Variants in RAB21 observed in about 807,000 individuals in gnomAD.
RAB21 encodes the protein ras-related protein Rab-21.
A neutral mutation model predicts 33.1 loss-of-function variants in RAB21; 13 were observed. The ratio of observed to expected loss-of-function variants is 0.39; its 90% CI spans 0.26 to 0.62. The LOEUF (loss-of-function observed/expected upper bound fraction) is 0.62, where lower values mean the gene tolerates loss of function less well. Ranked by LOEUF, RAB21 falls within the 20% of genes least tolerant of loss-of-function variation. RAB21 has a pLI of 0.48. For synonymous variants in RAB21, 91 were observed against 103.7 expected (o/e 0.88, Z 0.74); for missense variants, 234 against 279.1 (o/e 0.84, Z 1.15).
intron 1 of RAB21, among the ~76,000 whole-genome samples, 157 bp from the exon 2 acceptor site, chr12:71,769,643 T>C (rs1328585220): frequency 1.3e-5 from 2 of 152,204 alleles, no homozygotes; most frequent in African/African-American, 2.4e-5. Context: ...TAATGTCTTA[T>C]CTTTAATGAA....
chr12:71,766,057 C>T (rs1332163261), intron 1 of RAB21, among the ~76,000 whole-genome samples: 2 of 152,008 alleles, frequency 1.3e-5, no homozygotes, highest in South Asian at 4.2e-4. Flanking sequence ...ACTAGGGATC[C>T]TTTGATAATA....
Position 71,792,109 on chromosome 12 carries a change from T to A in RAB21, c.*6436T>A, listed in dbSNP as rs1203364193. On this transcript the variant is annotated 3_prime_UTR_variant, in exon 7 of 7. Coordinates refer to ENST00000261263, the MANE Select transcript of RAB21 (RefSeq NM_014999.4). ...GCTGGTTTTTGAACTAGTTTCAAAG[T>A]GATCCTCCTGCCTTGGCCTCTCAAA... 6.6e-6 allele frequency: 1 copy of A among 152,194 alleles called. No homozygotes were observed. Among genetic ancestry groups the A allele is most frequent in the African/African-American group, 2.4e-5 (1 of 41,436 alleles). 9.4% of individuals were successfully genotyped at this position (152,194 alleles called of 1,614,324 possible). A position where few individuals can be genotyped will look rare whatever the true frequency, so the allele number is the denominator to read the frequency against.
intron 1 of RAB21, among the ~76,000 whole-genome samples, chr12:71,755,920 A>G (rs768272766): frequency 2.0e-5 from 3 of 152,172 alleles, no homozygotes; most frequent in Non-Finnish European, 4.4e-5. Context: ...CTGGCCAACA[A>G]TTGGTCCCCA....
intron 1 of RAB21, among the ~76,000 whole-genome samples, chr12:71,759,920 G>A (rs1189113262): frequency 6.6e-6 from 1 of 152,182 alleles, no homozygotes; most frequent in Non-Finnish European, 1.5e-5. Context: ...TAAAATGGGA[G>A]TACCTTACTC....
At position 71,788,346 on chromosome 12, in the gene RAB21, C is replaced by T. The variant is rs1181533739; in HGVS notation, c.*2673C>T. 6.6e-6 allele frequency: 1 copy of T among 151,594 alleles called. No individual in the cohort carries two copies. The highest frequency in any genetic ancestry group is 1.5e-5 in the Non-Finnish European group (1 of 67,894). The allele number at this position is 151,594 out of a possible 1,614,324, so 9.4% of individuals were successfully genotyped here. A position where few individuals can be genotyped will look rare whatever the true frequency, so the allele number is the denominator to read the frequency against. ...TTGGTTTCTGTGTTATCTTTCTTAA[C>T]CTCACGTATTTCTTTATCCTTTTTA... On this transcript the variant is annotated 3_prime_UTR_variant, in exon 7 of 7. Transcript: ENST00000261263.
chr12:71,773,953 A>G lies in RAB21; in HGVS notation c.328-6A>G. The G allele has an allele frequency of 6.3e-7, 1 of 1,579,418 alleles. No homozygotes were observed. Among genetic ancestry groups the G allele is most frequent in the Non-Finnish European group, 8.6e-7 (1 of 1,158,912 alleles). The stretch of plus-strand genomic sequence containing the variant: ...TGTTTTAATATGTGCTCTTTTGTAT[A>G]TACAGGTAAAAAACTGGGTCAAAGA... On this transcript the variant is annotated splice_polypyrimidine_tract_variant and splice_region_variant and intron_variant, in intron 3 of 6. Transcript: ENST00000261263.
At chr12:71,764,848 A>G (rs549550872) in intron 1 of RAB21, among the ~76,000 whole-genome samples, 30 of 151,966 alleles carry the variant, frequency 2.0e-4, no homozygotes, top group African/African-American at 6.8e-4. Flanking sequence ...TTCTTTATTC[A>G]CTTGTTGGTT....
In RAB21 at chr12:71,780,717, T is replaced by C. The variant is rs1011642971; in HGVS notation, c.392-1314T>C. ...CAGATTATTCGAGGTCCTCAGTATA[T>C]AGAACCTTTGGACTTGTCCACCTCA... On this transcript the variant is annotated intron_variant, in intron 4 of 6. Coordinates refer to ENST00000261263, the MANE Select transcript of RAB21 (RefSeq NM_014999.4). Among the ~76,000 whole-genome samples the C allele has an allele frequency of 1.4e-4, 22 of 152,214 alleles. 1 individual carries two copies. The highest frequency in any genetic ancestry group is 1.2e-4 in the Non-Finnish European group (8 of 68,034).
chr12:71,781,630 T>A (rs1422057821), intron 4 of RAB21, among the ~76,000 whole-genome samples: 1 of 152,216 alleles, frequency 6.6e-6, no homozygotes, highest in African/African-American at 2.4e-5. Flanking sequence ...AACACTAAGA[T>A]AGCCATACTT....
chr12:71,785,516 TTC>T lies in RAB21; in HGVS notation c.536-9_536-8del. 2 of 1,613,096 alleles carry T rather than the reference TTC, an allele frequency of 1.2e-6. No individual in the cohort carries two copies. Among genetic ancestry groups the T allele is most frequent in the Non-Finnish European group, 1.7e-6 (2 of 1,179,392 alleles). ...TATTGTGGTCCTAATAATGTTTGCT[TTC>T]TCTCTGTCTTAGGGATGATAGAAAC... On this transcript the variant is annotated splice_polypyrimidine_tract_variant and intron_variant, in intron 6 of 6. Transcript: ENST00000261263.
At chr12:71,764,554 A>AC (rs1347522428) in intron 1 of RAB21, among the ~76,000 whole-genome samples, 1 of 152,130 alleles carries the variant, frequency 6.6e-6, no homozygotes, top group African/African-American at 2.4e-5. Context: ...ATTTTGGTGC[A>AC]CCTGAGCAGT....
rs1230612259 is a variant in RAB21, at chr12:71,789,531, A to G, written c.*3858A>G. 6.6e-6 allele frequency: 1 copy of G among 152,164 alleles called. No individual in the cohort carries two copies. The highest frequency in any genetic ancestry group is 1.5e-5 in the Non-Finnish European group (1 of 67,988). The allele number at this position is 152,164 out of a possible 1,614,324, so 9.4% of individuals were successfully genotyped here. On this transcript the variant is annotated 3_prime_UTR_variant, in exon 7 of 7. Coordinates refer to ENST00000261263, the MANE Select transcript of RAB21 (RefSeq NM_014999.4). The stretch of plus-strand genomic sequence containing the variant: ...AGATTCAGTGTGACAAAGAGGGAAT[A>G]CATAATTTGTGACCATTTAAGATGC...
chr12:71,780,411 G>A (rs1271606206), intron 4 of RAB21, among the ~76,000 whole-genome samples: 2 of 152,168 alleles, frequency 1.3e-5, no homozygotes, highest in African/African-American at 4.8e-5. Flanking sequence ...CCACCAGGTG[G>A]TGCTTTTTGC....
Position 71,790,021 on chromosome 12 carries a change from T to C in RAB21, c.*4348T>C, listed in dbSNP as rs1410941541. On this transcript the variant is annotated 3_prime_UTR_variant, in exon 7 of 7. Transcript: ENST00000261263. ...TTAATTGATAGACCTTTAGCAGTTCTTGTGCTATCTAGGATTTATACATTT... is the reference window on the plus strand; with the variant it reads ...TTAATTGATAGACCTTTAGCAGTTCCTGTGCTATCTAGGATTTATACATTT... The C allele has an allele frequency of 1.3e-5, 2 of 152,202 alleles. No homozygotes were observed. Among genetic ancestry groups the C allele is most frequent in the Admixed American group, 1.3e-4 (2 of 15,274 alleles). 9.4% of individuals were successfully genotyped at this position (152,202 alleles called of 1,614,324 possible).
intron 3 of RAB21, among the ~76,000 whole-genome samples, chr12:71,773,482 C>G (rs1883072852): frequency 6.6e-6 from 1 of 151,712 alleles, no homozygotes; most frequent in Non-Finnish European, 1.5e-5. Context: ...TATTTTAGCA[C>G]TCTAATTTTT....
chr12:71,755,228 G>C lies in RAB21; in HGVS notation c.99G>C (p.Thr33=), dbSNP rs146014465. 1.2e-4 allele frequency: 189 copies of C among 1,543,614 alleles called. No homozygotes were observed. The African/African-American group carries it at 1.8e-3, about 14-fold the overall frequency. The change falls in exon 1 of 7, where the codon ACG becomes ACC. Residue 33 remains threonine (T), a synonymous_variant. Transcript: ENST00000261263. ...VLLGEGCVGK[T]SLVLRYCENK... ...TGGGGGAAGGCTGCGTGGGGAAGAC[G>C]TCGCTGGTGCTGCGCTACTGCGAGA...
intron 4 of RAB21, 135 bp from the exon 5 acceptor site, chr12:71,781,896 A>C (rs1883206494): frequency 1.6e-6 from 1 of 626,068 alleles, no homozygotes; most frequent in East Asian, 2.9e-5. Context: ...TATAATTTCA[A>C]GACATTAGAA....
chr12:71,784,328 TTTA>T (rs1187121623), intron 6 of RAB21, among the ~76,000 whole-genome samples: 1 of 152,206 alleles, frequency 6.6e-6, no homozygotes, highest in Non-Finnish European at 1.5e-5. Flanking sequence ...CTATTTTTCT[TTTA>T]TGATTCATGT....
chr12:71,761,403 G>A (rs1365908050), intron 1 of RAB21, among the ~76,000 whole-genome samples: 3 of 152,162 alleles, frequency 2.0e-5, no homozygotes, highest in South Asian at 2.1e-4. Flanking sequence ...CAAGGGCCGG[G>A]CATGGTGGCT....
Sources: gnomAD v4.1 joint callset for allele counts (sites outside exome capture counted in the v4.1 genomes callset) on GRCh38, gnomAD v4.1.1 for gene constraint, MANE v1.5 for transcripts, NCBI Gene and HGNC (gene_info 2026-07-23, HGNC 2026-07-21) for gene names.